Variants in PNPT1 observed in about 807,000 individuals in gnomAD.
PNPT1 encodes polyribonucleotide nucleotidyltransferase 1, also known as polyribonucleotide nucleotidyltransferase 1, mitochondrial.
A neutral mutation model predicts 119.5 loss-of-function variants in PNPT1; 53 were observed. That is an observed-to-expected ratio of 0.44 (90% CI 0.36 to 0.56). PNPT1 has a LOEUF of 0.56. Among genes scored for constraint, PNPT1 ranks in the 20% least tolerant of loss-of-function variants. The pLI, the probability that PNPT1 is intolerant of heterozygous loss-of-function variation, is 0.00. For synonymous variants in PNPT1, 357 were observed against 322.1 expected (o/e 1.11, Z -1.16); for missense variants, 948 against 938.5 (o/e 1.01, Z -0.13).
intron 18 of PNPT1, among the ~76,000 whole-genome samples, chr2:55,652,363 A>T (rs1696238102): frequency 6.6e-6 from 1 of 152,194 alleles, no homozygotes; most frequent in Non-Finnish European, 1.5e-5. Context: ...TATCAAATTT[A>T]ATTTTTTTGA....
chr2:55,655,497 T>C (rs1324745864), intron 17 of PNPT1, among the ~76,000 whole-genome samples: 1 of 152,234 alleles, frequency 6.6e-6, no homozygotes. Context: ...TTGTCTTGCT[T>C]ATCAGAAGTA....
intron 18 of PNPT1, among the ~76,000 whole-genome samples, chr2:55,650,608 ATCTGGGAAGTGAGGAGCGTC>A (rs1696146456): frequency 6.7e-6 from 1 of 148,306 alleles, no homozygotes; most frequent in South Asian, 2.2e-4. Flanking sequence ...CCGCCATCCC[ATCTGGGAAGTGAGGAGCGTC>A]TCTGCCCGGC....
At chr2:55,664,650 CAAAT>C (rs1006462101) in intron 13 of PNPT1, among the ~76,000 whole-genome samples, 2 of 151,870 alleles carry the variant, frequency 1.3e-5, no homozygotes, top group Non-Finnish European at 2.9e-5. Flanking sequence ...AAAAGAAAAA[CAAAT>C]AATAAAATGA....
At chr2:55,643,475 T>G in intron 23 of PNPT1, 50 bp from the exon 24 acceptor site, 1 of 1,511,614 alleles carries the variant, frequency 6.6e-7, no homozygotes, top group South Asian at 1.1e-5. Flanking sequence ...CTGGGCATAG[T>G]GGGTCACATC....
chr2:55,638,405 T>C (rs1005457652), intron 26 of PNPT1, among the ~76,000 whole-genome samples: 1 of 152,114 alleles, frequency 6.6e-6, no homozygotes, highest in Non-Finnish European at 1.5e-5. Context: ...CTCACACCTG[T>C]AGTCCCAGAA....
rs1357844359 is a variant in PNPT1, at chr2:55,686,411, T to C, written c.256A>G (p.Ser86Gly). ...GDTAVMVTAV[S>G]KTKPSPSQFM... ...TGGGAAGGGGAAGGTTTTGTTTTAC[T>C]GACCGCTGTGACCATTACTGCAGTG... Residue 86 changes from serine to glycine, a missense_variant, in exon 3 of 28, where the codon AGT becomes GGT. Transcript: ENST00000447944. The C allele has an allele frequency of 1.2e-6, 2 of 1,614,034 alleles. No individual in the cohort carries two copies. Among genetic ancestry groups the C allele is most frequent in the South Asian group, 2.2e-5 (2 of 91,084 alleles).
At chr2:55,687,746 A>T in intron 1 of PNPT1, 41 bp from the exon 2 acceptor site, 1 of 1,435,036 alleles carries the variant, frequency 7.0e-7, no homozygotes, top group Non-Finnish European at 9.6e-7. Flanking sequence ...GACTTAGGTC[A>T]TCTGTACAAT....
chr2:55,686,262 G>T, intron 3 of PNPT1, 108 bp downstream of exon 3: 2 of 945,322 alleles, frequency 2.1e-6, no homozygotes, highest in Non-Finnish European at 3.1e-6. Flanking sequence ...AAAATTCTTT[G>T]TTGTGCAAGT....
chr2:55,682,860 A>C (rs1697290224), intron 5 of PNPT1, among the ~76,000 whole-genome samples: 1 of 152,122 alleles, frequency 6.6e-6, no homozygotes, highest in African/African-American at 2.4e-5. Context: ...AGTGAGGCAT[A>C]ATCATGCCAA....
intron 11 of PNPT1, among the ~76,000 whole-genome samples, chr2:55,670,674 T>C (rs770210807): frequency 3.9e-5 from 6 of 152,196 alleles, no homozygotes; most frequent in Non-Finnish European, 8.8e-5. Flanking sequence ...CCAGGTATTA[T>C]TAACACTGCA....
chr2:55,637,475 T>G, intron 27 of PNPT1, 77 bp downstream of exon 27: 1 of 1,369,628 alleles, frequency 7.3e-7, no homozygotes, highest in Non-Finnish European at 1.0e-6. Context: ...TGACTCTTCT[T>G]TCAACTTTTT....
In PNPT1 at chr2:55,680,772, GA is replaced by G. The variant is rs2104156864; in HGVS notation, c.518-14del. On this transcript the variant is annotated splice_polypyrimidine_tract_variant and intron_variant, in intron 6 of 27. Coordinates refer to ENST00000447944, the MANE Select transcript of PNPT1 (RefSeq NM_033109.5). Reference sequence around the variant, plus strand: ...AGGGCTACGGAAGCTTAAAAAAGGAGAAAAATCAGGGCCGAAATTAAAATTT... The same window carrying G: ...AGGGCTACGGAAGCTTAAAAAAGGAGAAAATCAGGGCCGAAATTAAAATTT... 2 of 1,613,332 alleles carry G rather than the reference GA, an allele frequency of 1.2e-6. No individual in the cohort carries two copies. Among genetic ancestry groups the G allele is most frequent in the African/African-American group, 2.7e-5 (2 of 74,930 alleles).
At chr2:55,685,416 T>G (rs1697375275) in intron 3 of PNPT1, among the ~76,000 whole-genome samples, 1 of 152,128 alleles carries the variant, frequency 6.6e-6, no homozygotes, top group Non-Finnish European at 1.5e-5. Context: ...TAGTCCTAGC[T>G]ACTCAGAAGG....
chr2:55,645,215 A>G (rs959736871), intron 22 of PNPT1, 134 bp downstream of exon 22: 7 of 524,420 alleles, frequency 1.3e-5, no homozygotes, highest in African/African-American at 7.9e-5. Flanking sequence ...TAGTAGAGAC[A>G]GGGTTTCACC....
At chr2:55,678,759 G>T (rs550135712) in intron 8 of PNPT1, among the ~76,000 whole-genome samples, 1 of 152,132 alleles carries the variant, frequency 6.6e-6, no homozygotes, top group African/African-American at 2.4e-5. Context: ...TTTAAGTCTT[G>T]TTTATTTGGT....
At chr2:55,661,467 A>G (rs985741951) in intron 14 of PNPT1, among the ~76,000 whole-genome samples, 7 of 152,116 alleles carry the variant, frequency 4.6e-5, no homozygotes, top group African/African-American at 1.7e-4. Context: ...ATTGATTAGC[A>G]TGATTTTACT....
In PNPT1 at chr2:55,645,409, T is replaced by A. The variant is rs761246555; in HGVS notation, c.1762A>T (p.Ile588Phe). 6 of 1,611,106 alleles carry A rather than the reference T, an allele frequency of 3.7e-6. No homozygotes were observed. In the East Asian group the frequency reaches 1.3e-4, roughly 36 times the overall value. Residue 588 changes from isoleucine (I) to phenylalanine (F), a missense_variant, in exon 22 of 28, where the codon ATC becomes TTC. Transcript: ENST00000447944. ...ASVAKKEILQ[I>F]MNKTISKPRA... ...GGTTTTGAAATAGTTTTGTTCATGATCTGTAATATCTCCTTTTTTGCCACT... is the reference window on the plus strand; with the variant it reads ...GGTTTTGAAATAGTTTTGTTCATGAACTGTAATATCTCCTTTTTTGCCACT...
At chr2:55,685,759 C>G (rs1217250079) in intron 3 of PNPT1, among the ~76,000 whole-genome samples, 1 of 152,112 alleles carries the variant, frequency 6.6e-6, no homozygotes, top group Non-Finnish European at 1.5e-5. Context: ...GGTTCTAGGA[C>G]CTCTTGCAGA....
chr2:55,671,213 T>G (rs531916026), intron 11 of PNPT1, 106 bp downstream of exon 11: 1 of 529,472 alleles, frequency 1.9e-6, no homozygotes, highest in East Asian at 3.5e-5. Flanking sequence ...CCTACAGATG[T>G]GATGCCTTTC....
Sources: allele counts gnomAD v4.1 joint callset (sites outside exome capture counted in the v4.1 genomes callset), GRCh38; gene constraint gnomAD v4.1.1; transcripts MANE v1.5; gene names NCBI Gene and HGNC (gene_info 2026-07-23, HGNC 2026-07-21).